PCDHA12: variants seen among roughly 807,000 people sequenced by gnomAD.
PCDHA12 encodes the protein protocadherin alpha-12.
In PCDHA12, 44 loss-of-function variants were observed where a neutral mutation model predicts 60.0. The ratio of observed to expected loss-of-function variants is 0.73; its 90% CI spans 0.58 to 0.94. PCDHA12 has a LOEUF of 0.94. Among genes scored for constraint, PCDHA12 ranks in the 40% least tolerant of loss-of-function variants. PCDHA12 has a pLI of 0.00. For synonymous variants in PCDHA12, 569 were observed against 553.0 expected, an observed-to-expected ratio of 1.03 and a Z score of -0.40; for missense variants, 1,276 against 1,239.7, an observed-to-expected ratio of 1.03 and a Z score of -0.44.
chr5:140,984,086 A>C (rs187283969), intron 3 of PCDHA12, among the ~76,000 whole-genome samples: 1 of 152,356 alleles, frequency 6.6e-6, no homozygotes, highest in Admixed American at 6.5e-5. Flanking sequence ...GGAGTGAAGA[A>C]ATGATGGAGG....
At chr5:140,941,852 T>G (rs1254913265) in intron 1 of PCDHA12, among the ~76,000 whole-genome samples, 2 of 152,236 alleles carry the variant, frequency 1.3e-5, no homozygotes, top group Non-Finnish European at 2.9e-5. Context: ...TTACCTGATA[T>G]TCCCTATCAT....
rs74450843 is a variant in PCDHA12 at position 140,951,654 on chromosome 5, C to A, written c.2368-27295C>A. ...GCCCCATGATCTAATCACCTCCCAC[C>A]AGGGCCTGCCTACAAAATTGGGGAT... On this transcript the variant is annotated intron_variant, in intron 1 of 3. Coordinates refer to ENST00000398631, the MANE Select transcript of PCDHA12 (RefSeq NM_018903.4). 1.1e-4 allele frequency among the ~76,000 whole-genome samples: 16 copies of A among 152,248 alleles called. No homozygotes were observed. In the East Asian group the frequency reaches 3.1e-3, roughly 29 times the overall value.
intron 1 of PCDHA12, among the ~76,000 whole-genome samples, chr5:140,915,392 A>AT (rs1554196880): frequency 6.6e-6 from 1 of 152,072 alleles, no homozygotes; most frequent in African/African-American, 2.4e-5. Context: ...AGAGCTAGGT[A>AT]TTTCTTATAG....
intron 1 of PCDHA12, chr5:140,926,719 A>C: frequency 2.0e-6 from 2 of 986,548 alleles, no homozygotes; most frequent in Non-Finnish European, 2.7e-6. Context: ...AGCCCCGGCA[A>C]TGCCGGCGTT....
chr5:140,942,443 A>G (rs1204508547), intron 1 of PCDHA12, among the ~76,000 whole-genome samples: 2 of 152,100 alleles, frequency 1.3e-5, no homozygotes, highest in African/African-American at 4.8e-5. Flanking sequence ...ATAAACAAGT[A>G]AACTATCAAT....
chr5:140,875,959 G>C lies in PCDHA12; in HGVS notation c.487G>C (p.Gly163Arg), dbSNP rs1448292250. 5.0e-6 allele frequency: 8 copies of C among 1,614,070 alleles called. No individual in the cohort carries two copies. The highest frequency in any genetic ancestry group is 2.2e-5 in the South Asian group (2 of 91,080). Residue 163 changes from glycine (G) to arginine (R), a missense_variant, in exon 1 of 4, where the codon GGC (glycine) becomes CGC (arginine). Gly to Arg is a moderately radical substitution (Grantham distance 125, BLOSUM62 -2). Transcript: ENST00000398631. ...PLEGASDADI[G>R]VNSLLTYALS... ...AGAGGGCGCTTCTGATGCGGATATC[G>C]GCGTAAACTCTCTTTTGACCTATGC...
chr5:140,946,527 G>A (rs1414920308), intron 1 of PCDHA12, among the ~76,000 whole-genome samples: 1 of 150,718 alleles, frequency 6.6e-6, no homozygotes, highest in Non-Finnish European at 1.5e-5. Flanking sequence ...GCACTCCCAT[G>A]TTCATTGCAG....
intron 1 of PCDHA12, among the ~76,000 whole-genome samples, chr5:140,952,990 G>T (rs1218296143): frequency 6.6e-6 from 1 of 152,042 alleles, no homozygotes; most frequent in Non-Finnish European, 1.5e-5. Context: ...GATCTCATGA[G>T]AACTCTCTCA....
At chr5:140,956,454 A>G (rs1276644004) in intron 1 of PCDHA12, among the ~76,000 whole-genome samples, 1 of 152,212 alleles carries the variant, frequency 6.6e-6, no homozygotes, top group African/African-American at 2.4e-5. Flanking sequence ...AATTACATTT[A>G]TTGATTTGCA....
chr5:140,938,113 C>CT (rs1337308557), intron 1 of PCDHA12, among the ~76,000 whole-genome samples: 1 of 152,056 alleles, frequency 6.6e-6, no homozygotes, highest in Non-Finnish European at 1.5e-5. Context: ...TACTTTCTCT[C>CT]TTTTTTTAAA....
At chr5:140,983,408 A>G (rs1554245369) in intron 3 of PCDHA12, among the ~76,000 whole-genome samples, 1 of 152,208 alleles carries the variant, frequency 6.6e-6, no homozygotes, top group Non-Finnish European at 1.5e-5. Flanking sequence ...GGGAAGATTA[A>G]GTGTTGGTAG....
chr5:140,915,132 AGAGAC>A (rs1406752818), intron 1 of PCDHA12, among the ~76,000 whole-genome samples: 1 of 151,994 alleles, frequency 6.6e-6, no homozygotes, highest in Non-Finnish European at 1.5e-5. Flanking sequence ...TATTTTTAGT[AGAGAC>A]GGGGTTTCAC....
chr5:140,920,485 A>G (rs1366888817), intron 1 of PCDHA12, among the ~76,000 whole-genome samples: 3 of 152,164 alleles, frequency 2.0e-5, no homozygotes, highest in Admixed American at 6.5e-5. Context: ...TTTTTGGTCC[A>G]ACAATAGAGT....
intron 1 of PCDHA12, among the ~76,000 whole-genome samples, chr5:140,971,500 T>C (rs2096483313): frequency 1.3e-5 from 2 of 152,136 alleles, no homozygotes; most frequent in Admixed American, 1.3e-4. Context: ...TGTGGCAAGA[T>C]AGGAGCAAAA....
chr5:140,910,546 A>G (rs2075078968), intron 1 of PCDHA12, among the ~76,000 whole-genome samples: 1 of 152,198 alleles, frequency 6.6e-6, no homozygotes, highest in Non-Finnish European at 1.5e-5. Context: ...CTATTTTGCA[A>G]AGTATTAGTC....
chr5:140,927,630 A>G (rs1408351955), intron 1 of PCDHA12: 3 of 1,614,064 alleles, frequency 1.9e-6, no homozygotes, highest in Non-Finnish European at 2.5e-6. Flanking sequence ...CAGAGACTGC[A>G]CCCAATGGGA....
chr5:140,985,471 G>A (rs926791157), intron 3 of PCDHA12, among the ~76,000 whole-genome samples: 4 of 152,148 alleles, frequency 2.6e-5, no homozygotes, highest in African/African-American at 9.7e-5. Flanking sequence ...AAAAAATTTG[G>A]TTGTTTCCAG....
Position 140,881,340 on chromosome 5 carries a change from CG to C in PCDHA12, c.2367+3504del, listed in dbSNP as rs1453642152. Reference sequence around the variant, plus strand: ...ATTCTATTTAACCAGGACGCCGATTCGGGCTACAATGCGTGGCTTTCGTATG... The same window carrying C: ...ATTCTATTTAACCAGGACGCCGATTCGGCTACAATGCGTGGCTTTCGTATG... On this transcript the variant is annotated intron_variant, in intron 1 of 3. Coordinates refer to ENST00000398631, the MANE Select transcript of PCDHA12 (RefSeq NM_018903.4). The C allele has an allele frequency of 3.0e-6, 3 of 984,934 alleles. No individual in the cohort carries two copies. The African/African-American group carries it at 5.2e-5, about 17-fold the overall frequency. The allele number at this position is 984,934 out of a possible 1,614,324, so 61.0% of individuals were successfully genotyped here. A position where few individuals can be genotyped will look rare whatever the true frequency, so the allele number is the denominator to read the frequency against.
chr5:140,881,220 G>A (rs1437715335), intron 1 of PCDHA12: 1 of 247,310 alleles, frequency 4.0e-6, no homozygotes, highest in Non-Finnish European at 6.5e-6. Context: ...TTGTTTCTTG[G>A]AAAATTAAAG....
Sources: allele counts gnomAD v4.1 joint callset (sites outside exome capture counted in the v4.1 genomes callset), GRCh38; gene constraint gnomAD v4.1.1; transcripts MANE v1.5; gene names NCBI Gene and HGNC (gene_info 2026-07-23, HGNC 2026-07-21).